AGBL1: variants seen among roughly 807,000 people sequenced by gnomAD.
The protein encoded by AGBL1 is AGBL carboxypeptidase 1.
A neutral mutation model predicts 118.9 loss-of-function variants in AGBL1; 130 were observed. That is an observed-to-expected ratio of 1.09 (90% CI 0.95 to 1.26). AGBL1 has a LOEUF of 1.26. AGBL1 is among the 50% of genes most tolerant of loss of function. AGBL1 has a pLI of 0.00. For synonymous variants in AGBL1, 555 were observed against 478.9 expected, an observed-to-expected ratio of 1.16 and a Z score of -2.08; for missense variants, 1,584 against 1,298.1, an observed-to-expected ratio of 1.22 and a Z score of -3.38.
chr15:86,890,277 C>A (rs2080034503), intron 22 of AGBL1, among the ~76,000 whole-genome samples: 2 of 151,956 alleles, frequency 1.3e-5, no homozygotes, highest in Admixed American at 1.3e-4. Flanking sequence ...TCCTTGTAGA[C>A]TCTGTGTATT....
intron 18 of AGBL1, among the ~76,000 whole-genome samples, chr15:86,412,742 A>G (rs1439032023): frequency 1.3e-5 from 2 of 152,194 alleles, no homozygotes; most frequent in Non-Finnish European, 2.9e-5. Context: ...AGACACAGTT[A>G]CTACAACACT....
intron 19 of AGBL1, among the ~76,000 whole-genome samples, chr15:86,528,491 A>C (rs2083299966): frequency 6.6e-6 from 1 of 151,636 alleles, no homozygotes; most frequent in South Asian, 2.1e-4. Context: ...CTAGCACAGC[A>C]GTCTGAGATC....
At chr15:86,767,233 C>T (rs1436019893) in intron 22 of AGBL1, among the ~76,000 whole-genome samples, 3 of 151,932 alleles carry the variant, frequency 2.0e-5, no homozygotes, top group Non-Finnish European at 4.4e-5. Flanking sequence ...ATAGCCTAAA[C>T]TTAACCTCCG....
At chr15:86,506,979 G>C (rs574864129) in intron 18 of AGBL1, among the ~76,000 whole-genome samples, 2 of 151,934 alleles carry the variant, frequency 1.3e-5, no homozygotes, top group East Asian at 3.9e-4. Context: ...TGTTTAGCTT[G>C]AAGTGTATAT....
intron 17 of AGBL1, among the ~76,000 whole-genome samples, chr15:86,384,110 C>T (rs1293151459): frequency 1.3e-5 from 2 of 152,150 alleles, no homozygotes; most frequent in Non-Finnish European, 1.5e-5. Flanking sequence ...ACCGCGTGGG[C>T]TCCATTGAGG....
At chr15:86,288,812 C>G (rs1052905115) in intron 16 of AGBL1, among the ~76,000 whole-genome samples, 1 of 152,004 alleles carries the variant, frequency 6.6e-6, no homozygotes, top group African/African-American at 2.4e-5. Flanking sequence ...TCTCCCACTC[C>G]GAGAAGAATT....
chr15:86,955,970 G>A (rs1253236711), intron 23 of AGBL1, among the ~76,000 whole-genome samples: 1 of 152,028 alleles, frequency 6.6e-6, no homozygotes, highest in African/African-American at 2.4e-5. Context: ...CTAGCATTTT[G>A]GAATGAAATT....
rs146112328 is a variant in AGBL1, at chr15:86,820,267, G to A, written c.3159-86820G>A. Among the ~76,000 whole-genome samples the A allele has an allele frequency of 5.3e-3, 805 of 152,214 alleles. 2 individuals are homozygous for A. Among genetic ancestry groups the A allele is most frequent in the Non-Finnish European group, 8.2e-3 (556 of 68,004 alleles). On this transcript the variant is annotated intron_variant, in intron 22 of 22. Coordinates refer to ENST00000614907, the MANE Select transcript of AGBL1 (RefSeq NM_001386094.1). Reference sequence around the variant, plus strand: ...CATGACTAAAACACCAAAAGCAATGGCAACAAAAGCCAAAATTGACAAATG... The same window carrying A: ...CATGACTAAAACACCAAAAGCAATGACAACAAAAGCCAAAATTGACAAATG...
intron 17 of AGBL1, among the ~76,000 whole-genome samples, chr15:86,365,028 C>CACACATATATAT (rs1567219569): frequency 9.8e-6 from 1 of 102,278 alleles, no homozygotes; most frequent in Non-Finnish European, 2.2e-5. Flanking sequence ...TATATATATA[C>CACACATATATAT]ACACACATAT....
chr15:86,765,036 A>T (rs2141277937), intron 22 of AGBL1, among the ~76,000 whole-genome samples: 1 of 152,108 alleles, frequency 6.6e-6, no homozygotes, highest in Non-Finnish European at 1.5e-5. Flanking sequence ...CAGAGGGAGA[A>T]GAAGCTTGGA....
At chr15:86,686,372 A>C (rs1240527430) in intron 22 of AGBL1, among the ~76,000 whole-genome samples, 1 of 152,068 alleles carries the variant, frequency 6.6e-6, no homozygotes, top group Non-Finnish European at 1.5e-5. Flanking sequence ...TATCCCCATC[A>C]GAAAAATAGG....
intron 22 of AGBL1, among the ~76,000 whole-genome samples, chr15:86,758,178 A>T (rs1490911225): frequency 6.6e-6 from 1 of 152,082 alleles, no homozygotes; most frequent in Non-Finnish European, 1.5e-5. Context: ...TTCCCCTGCC[A>T]CATGTGATAC....
chr15:86,312,789 A>G (rs2079940197), intron 17 of AGBL1, among the ~76,000 whole-genome samples: 1 of 152,212 alleles, frequency 6.6e-6, no homozygotes, highest in Non-Finnish European at 1.5e-5. Flanking sequence ...AGCCCTAATT[A>G]GAAAGACCAG....
chr15:86,904,930 ATC>A (rs375608445), intron 22 of AGBL1, among the ~76,000 whole-genome samples: 1 of 152,154 alleles, frequency 6.6e-6, no homozygotes, highest in African/African-American at 2.4e-5. Flanking sequence ...ATAAACATAA[ATC>A]TGACAGAGGC....
At chr15:86,280,689 T>C (rs1481249377) in intron 16 of AGBL1, among the ~76,000 whole-genome samples, 3 of 152,208 alleles carry the variant, frequency 2.0e-5, no homozygotes, top group Non-Finnish European at 4.4e-5. Context: ...TTTAAGGCTG[T>C]GATAAGGACT....
intron 22 of AGBL1, among the ~76,000 whole-genome samples, chr15:86,724,415 T>C (rs1400677410): frequency 2.0e-5 from 3 of 151,986 alleles, no homozygotes; most frequent in Admixed American, 6.6e-5. Context: ...ATTGATTCAG[T>C]GCTAAAATAT....
chr15:86,409,902 G>A (rs778980687), intron 18 of AGBL1, among the ~76,000 whole-genome samples: 9 of 151,966 alleles, frequency 5.9e-5, no homozygotes, highest in East Asian at 1.9e-4. Context: ...GAAGAAATCC[G>A]TGCAGGGATG....
chr15:86,397,634 C>A, intron 18 of AGBL1, 88 bp downstream of exon 18: 1 of 1,224,408 alleles, frequency 8.2e-7, no homozygotes, highest in Non-Finnish European at 1.1e-6. Context: ...ATTGGAGAGG[C>A]CTCGGTACTC....
At chr15:86,778,507 G>A (rs1034794470) in intron 22 of AGBL1, among the ~76,000 whole-genome samples, 16 of 152,064 alleles carry the variant, frequency 1.1e-4, no homozygotes, top group African/African-American at 3.6e-4. Flanking sequence ...CTACCCTCAG[G>A]GACGCATTCT....
Sources: allele counts gnomAD v4.1 joint callset (sites outside exome capture counted in the v4.1 genomes callset), GRCh38; gene constraint gnomAD v4.1.1; transcripts MANE v1.5; gene names NCBI Gene and HGNC (gene_info 2026-07-23, HGNC 2026-07-21).